Variants in NLGN1 observed in about 807,000 individuals in gnomAD.
The protein encoded by NLGN1 is neuroligin-1.
Under a neutral mutation model 65.5 loss-of-function variants are expected in NLGN1, and 12 were observed. That is an observed-to-expected ratio of 0.18 (90% CI 0.12 to 0.30). The LOEUF (loss-of-function observed/expected upper bound fraction) is 0.30. Among genes scored for constraint, NLGN1 ranks in the 10% least tolerant of loss-of-function variants. The probability of loss-of-function intolerance (pLI) is 1.00; values close to 1 mark genes in which losing one functional copy is unlikely to be tolerated. For synonymous variants in NLGN1, 350 were observed against 359.5 expected (o/e 0.97, Z 0.30); for missense variants, 750 against 1,007.1 (o/e 0.74, Z 3.46).
intron 2 of NLGN1, among the ~76,000 whole-genome samples, chr3:173,461,279 A>G (rs1723331296): frequency 6.6e-6 from 1 of 152,126 alleles, no homozygotes; most frequent in Admixed American, 6.6e-5. Context: ...TTTATATTCT[A>G]GCCAAACATG....
At chr3:174,283,785 A>G (rs555080413) in exon 7 of NLGN1, 3 of 151,494 alleles carry the variant, frequency 2.0e-5, no homozygotes, top group Non-Finnish European at 3.0e-5. Context: ...TGAGGTGGTT[A>G]TGCTTTTCAA....
chr3:173,547,855 A>G (rs552333067), intron 2 of NLGN1, among the ~76,000 whole-genome samples: 47 of 152,060 alleles, frequency 3.1e-4, no homozygotes, highest in Non-Finnish European at 5.1e-4. Context: ...AATTTCTATT[A>G]CAGGGGGGTA....
At chr3:173,488,324 A>G (rs1728497223) in intron 2 of NLGN1, among the ~76,000 whole-genome samples, 1 of 151,732 alleles carries the variant, frequency 6.6e-6, no homozygotes, top group Non-Finnish European at 1.5e-5. Flanking sequence ...CTTTGTTCAT[A>G]TTCTTGGCCA....
intron 3 of NLGN1, among the ~76,000 whole-genome samples, chr3:173,762,940 T>C: frequency 6.7e-6 from 1 of 148,352 alleles, no homozygotes; most frequent in South Asian, 2.2e-4. Flanking sequence ...CTCCAGGCAA[T>C]GGGATTGTGT....
chr3:173,471,784 CT>C (rs937142303), intron 2 of NLGN1, among the ~76,000 whole-genome samples: 3 of 152,044 alleles, frequency 2.0e-5, no homozygotes, highest in African/African-American at 4.8e-5. Context: ...TTTCCAGAAC[CT>C]AAGTGTTAAG....
intron 4 of NLGN1, among the ~76,000 whole-genome samples, chr3:173,916,579 A>T (rs1212277558): frequency 6.6e-6 from 1 of 152,168 alleles, no homozygotes; most frequent in East Asian, 1.9e-4. Context: ...GCCCTTCCAG[A>T]TAGCAATTTC....
At chr3:173,570,849 G>A (rs1321512822) in intron 2 of NLGN1, among the ~76,000 whole-genome samples, 2 of 152,094 alleles carry the variant, frequency 1.3e-5, no homozygotes, top group Admixed American at 6.6e-5. Flanking sequence ...GATTACAGGT[G>A]TATGCCACCA....
At chr3:174,207,120 C>T (rs1020185585) in intron 4 of NLGN1, among the ~76,000 whole-genome samples, 2 of 149,536 alleles carry the variant, frequency 1.3e-5, no homozygotes, top group African/African-American at 5.0e-5. Context: ...CTTCTTCTTC[C>T]AGAGTGGTGA....
chr3:173,538,246 T>G (rs1737782941), intron 2 of NLGN1, among the ~76,000 whole-genome samples: 1 of 152,156 alleles, frequency 6.6e-6, no homozygotes, highest in Non-Finnish European at 1.5e-5. Context: ...TGCAAGGTAT[T>G]GCCAGCTAGC....
intron 4 of NLGN1, among the ~76,000 whole-genome samples, chr3:173,813,857 A>C (rs1380903208): frequency 3.3e-5 from 5 of 152,254 alleles, no homozygotes; most frequent in African/African-American, 1.2e-4. Flanking sequence ...CTACAGAAGA[A>C]TTTATCATAT....
intron 3 of NLGN1, among the ~76,000 whole-genome samples, chr3:173,778,063 G>A (rs1780579141): frequency 6.6e-6 from 1 of 151,742 alleles, no homozygotes; most frequent in Non-Finnish European, 1.5e-5. Flanking sequence ...AAGTGTTAAA[G>A]TTCATCCTTG....
chr3:173,598,783 A>G (rs973636952), intron 2 of NLGN1, among the ~76,000 whole-genome samples: 1 of 152,186 alleles, frequency 6.6e-6, no homozygotes, highest in African/African-American at 2.4e-5. Context: ...TTTGTCTACA[A>G]GAAGTTTCCT....
chr3:173,550,187 G>A (rs1388150827), intron 2 of NLGN1, among the ~76,000 whole-genome samples: 1 of 151,856 alleles, frequency 6.6e-6, no homozygotes, highest in Non-Finnish European at 1.5e-5. Flanking sequence ...CTTTTTTCAA[G>A]GGACATGTGA....
chr3:174,240,585 T>C (rs1742602821), intron 4 of NLGN1, among the ~76,000 whole-genome samples: 1 of 152,092 alleles, frequency 6.6e-6, no homozygotes. Flanking sequence ...ATCTAGAAAG[T>C]AACAAAAAAT....
At chr3:173,558,305 C>A (rs1502470) in intron 2 of NLGN1, among the ~76,000 whole-genome samples, 6 of 151,784 alleles carry the variant, frequency 4.0e-5, no homozygotes, top group African/African-American at 1.2e-4. Context: ...GATTTTCTTC[C>A]TGTTCATCCT....
chr3:173,421,503 TAATA>T (rs1205105742), intron 1 of NLGN1, among the ~76,000 whole-genome samples: 1 of 151,358 alleles, frequency 6.6e-6, no homozygotes, highest in Non-Finnish European at 1.5e-5. Flanking sequence ...AATTTTATAA[TAATA>T]ATTATTTTTA....
intron 4 of NLGN1, among the ~76,000 whole-genome samples, chr3:174,118,158 C>A (rs559931431): frequency 1.3e-5 from 2 of 152,130 alleles, no homozygotes; most frequent in Admixed American, 1.3e-4. Context: ...TACAACTGCT[C>A]AGGGATTTTT....
chr3:173,410,301 A>G (rs1454803654), intron 1 of NLGN1, among the ~76,000 whole-genome samples: 1 of 152,224 alleles, frequency 6.6e-6, no homozygotes, highest in Non-Finnish European at 1.5e-5. Context: ...CATTATCATG[A>G]GAACCCTCCA....
At chr3:173,574,090 GA>G (rs1212454491) in intron 2 of NLGN1, among the ~76,000 whole-genome samples, 37 of 137,516 alleles carry the variant, frequency 2.7e-4, no homozygotes, top group African/African-American at 9.0e-4. Context: ...AAAAGAAAAA[GA>G]AAAAAGAAAA....
Sources: allele counts gnomAD v4.1 joint callset (sites outside exome capture counted in the v4.1 genomes callset), GRCh38; gene constraint gnomAD v4.1.1; transcripts MANE v1.5; gene names NCBI Gene and HGNC (gene_info 2026-07-23, HGNC 2026-07-21).